DLGAP2: variants seen among roughly 807,000 people sequenced by gnomAD.
DLGAP2 encodes disks large-associated protein 2.
A neutral mutation model predicts 100.3 loss-of-function variants in DLGAP2; 26 were observed. That is an observed-to-expected ratio of 0.26 (90% CI 0.19 to 0.36). DLGAP2 has a LOEUF of 0.36. DLGAP2 is among the 10% of genes least tolerant of loss of function. The probability of loss-of-function intolerance (pLI) is 1.00; values close to 1 mark genes in which losing one functional copy is unlikely to be tolerated. For synonymous variants in DLGAP2, 886 were observed against 630.1 expected (o/e 1.41, Z -6.08); for missense variants, 1,858 against 1,453.2 (o/e 1.28, Z -4.53).
intron 3 of DLGAP2, among the ~76,000 whole-genome samples, chr8:1,389,234 T>C (rs983388501): frequency 6.8e-6 from 1 of 148,122 alleles, no homozygotes; most frequent in African/African-American, 2.6e-5. Flanking sequence ...AGCGGTACTC[T>C]GGAGGAGGAG....
chr8:1,410,667 GT>G (rs1796702914), intron 3 of DLGAP2, among the ~76,000 whole-genome samples: 1 of 152,196 alleles, frequency 6.6e-6, no homozygotes, highest in Admixed American at 6.5e-5. Flanking sequence ...ACATAAGTGT[GT>G]TTCACGCACG....
intron 4 of DLGAP2, among the ~76,000 whole-genome samples, chr8:1,538,851 C>A (rs1801249934): frequency 6.6e-6 from 1 of 151,012 alleles, no homozygotes. Context: ...CACCCTGAGG[C>A]ACAGCCCCTC....
intron 1 of DLGAP2, among the ~76,000 whole-genome samples, chr8:764,365 TG>T (rs1485015895): frequency 6.6e-6 from 1 of 152,250 alleles, no homozygotes; most frequent in Non-Finnish European, 1.5e-5. Context: ...TCACTTCCTA[TG>T]AACTACTCCA....
intron 1 of DLGAP2, among the ~76,000 whole-genome samples, chr8:830,916 G>C (rs1417574276): frequency 1.7e-5 from 2 of 114,434 alleles, no homozygotes; most frequent in South Asian, 5.5e-4. Flanking sequence ...TTTTTTTTGA[G>C]ATGAAGTCTT....
chr8:1,350,260 ATGTGTGGAACGGCC>A (rs1563099063), intron 3 of DLGAP2, among the ~76,000 whole-genome samples: 15 of 24,136 alleles, frequency 6.2e-4, no homozygotes, highest in East Asian at 1.6e-3. Context: ...GGTCCTGAGC[ATGTGTGGAACGGCC>A]GTGCGGGTCC....
intron 2 of DLGAP2, among the ~76,000 whole-genome samples, chr8:1,227,541 T>C (rs1798447669): frequency 6.6e-6 from 1 of 151,830 alleles, no homozygotes; most frequent in Admixed American, 6.6e-5. Flanking sequence ...TCGCCCAGAC[T>C]GGAGTGCAGT....
At chr8:1,681,403 C>T (rs1049074059) in intron 12 of DLGAP2, among the ~76,000 whole-genome samples, 8 of 152,130 alleles carry the variant, frequency 5.3e-5, no homozygotes, top group East Asian at 3.9e-4. Context: ...GAGGCTGAGG[C>T]GGGAGGACTG....
At position 1,017,421 on chromosome 8, in the gene DLGAP2, G is replaced by A. The variant is rs10647912; in HGVS notation, c.73+109455G>A. 4.6e-3 allele frequency among the ~76,000 whole-genome samples: 82 copies of A among 17,798 alleles called. 17 individuals carry two copies. The highest frequency in any genetic ancestry group is 0.031 in the African/African-American group (69 of 2,226). 11.7% of individuals were successfully genotyped at this position (17,798 alleles called of 152,430 possible). On this transcript the variant is annotated intron_variant, in intron 2 of 14. Coordinates refer to ENST00000637795, the MANE Select transcript of DLGAP2 (RefSeq NM_001346810.2). ...ACTGTGTGTGTGACCAGGACAGACG[G>A]CGCCTCCACTGTGTGTATGACCAGG...
intron 2 of DLGAP2, among the ~76,000 whole-genome samples, chr8:1,191,218 C>G (rs1482192360): frequency 7.4e-6 from 1 of 135,954 alleles, no homozygotes; most frequent in Non-Finnish European, 1.6e-5. Context: ...GTCACCCAGG[C>G]TGGAGTACAG....
chr8:1,069,846 G>A (rs373458011), intron 2 of DLGAP2, among the ~76,000 whole-genome samples: 3 of 152,276 alleles, frequency 2.0e-5, no homozygotes, highest in African/African-American at 7.2e-5. Context: ...GCCTGTGGCT[G>A]CCTCACGTCT....
intron 3 of DLGAP2, among the ~76,000 whole-genome samples, chr8:1,482,807 G>A (rs1022524468): frequency 1.6e-4 from 24 of 152,260 alleles, no homozygotes; most frequent in Non-Finnish European, 2.6e-4. Flanking sequence ...GGGGATGGGC[G>A]TGGGACCCTC....
intron 2 of DLGAP2, among the ~76,000 whole-genome samples, chr8:1,198,497 AG>A (rs542727395): frequency 6.8e-4 from 104 of 152,194 alleles, no homozygotes; most frequent in African/African-American, 2.3e-3. Context: ...GTGGTCCAGA[AG>A]GATGAGCATC....
rs145930765 is a variant in DLGAP2 at position 1,274,695 on chromosome 8, C to CTT, written c.106+15840_106+15841dup. Among the ~76,000 whole-genome samples the CTT allele has an allele frequency of 1.0e-3, 23 of 22,208 alleles. 8 individuals are homozygous for CTT. Among genetic ancestry groups the CTT allele is most frequent in the African/African-American group, 1.6e-3 (7 of 4,400 alleles). 14.6% of individuals were successfully genotyped at this position (22,208 alleles called of 152,430 possible). Reference sequence around the variant, plus strand: ...TTCTGAGATAGTTGTTTTCATTTATCTTTTTTTTTTTTTTTTTTTTTTTTT... The same window carrying CTT: ...TTCTGAGATAGTTGTTTTCATTTATCTTTTTTTTTTTTTTTTTTTTTTTTTTT... On this transcript the variant is annotated intron_variant, in intron 3 of 14. Coordinates refer to ENST00000637795, the MANE Select transcript of DLGAP2 (RefSeq NM_001346810.2).
rs1191234523 is a variant in DLGAP2 at position 1,611,124 on chromosome 8, G to A, written c.1443-15616G>A. ...TAGACCAATATCCTTGATGAACATC[G>A]ATGCAAAAATCCTCAATAAAATACT... On this transcript the variant is annotated intron_variant, in intron 6 of 14. Coordinates refer to ENST00000637795, the MANE Select transcript of DLGAP2 (RefSeq NM_001346810.2). Among the ~76,000 whole-genome samples the A allele has an allele frequency of 8.6e-3, 1,218 of 141,990 alleles. 24 individuals carry two copies. The highest frequency in any genetic ancestry group is 0.031 in the African/African-American group (1,126 of 35,916). The allele number at this position is 141,990 out of a possible 152,430, so 93.2% of individuals were successfully genotyped here. A position where few individuals can be genotyped will look rare whatever the true frequency, so the allele number is the denominator to read the frequency against.
At chr8:1,437,885 C>G (rs530508879) in intron 3 of DLGAP2, among the ~76,000 whole-genome samples, 1 of 150,568 alleles carries the variant, frequency 6.6e-6, no homozygotes, top group South Asian at 2.1e-4. Flanking sequence ...ACTCGGGAGG[C>G]TGAGACAGGA....
At chr8:1,103,209 G>C (rs12546726) in intron 2 of DLGAP2, among the ~76,000 whole-genome samples, 15,134 of 152,210 alleles carry the variant, frequency 0.099, 851 homozygotes, top group East Asian at 0.22. Flanking sequence ...TGTATCACAT[G>C]CTGGCTGCCC....
intron 2 of DLGAP2, among the ~76,000 whole-genome samples, chr8:1,195,360 C>T (rs974174568): frequency 2.6e-5 from 4 of 152,188 alleles, no homozygotes; most frequent in Non-Finnish European, 4.4e-5. Flanking sequence ...GCCAGATGCA[C>T]GCAGCCACCG....
At chr8:1,516,223 GTGAA>G (rs1448437226) in intron 4 of DLGAP2, among the ~76,000 whole-genome samples, 2 of 152,294 alleles carry the variant, frequency 1.3e-5, no homozygotes, top group African/African-American at 2.4e-5. Flanking sequence ...GAATGAGTGA[GTGAA>G]TGAGTGAGTT....
chr8:1,512,401 G>A (rs1273354016), intron 4 of DLGAP2, among the ~76,000 whole-genome samples: 3 of 152,174 alleles, frequency 2.0e-5, no homozygotes, highest in South Asian at 2.1e-4. Context: ...GGTGGAAATC[G>A]TCGGCGGCAT....
Sources: allele counts gnomAD v4.1 joint callset (sites outside exome capture counted in the v4.1 genomes callset), GRCh38; gene constraint gnomAD v4.1.1; transcripts MANE v1.5; gene names NCBI Gene and HGNC (gene_info 2026-07-23, HGNC 2026-07-21).